RANBP17: variants seen among roughly 807,000 people sequenced by gnomAD.
RANBP17 encodes the protein RAN binding protein 17, also known as ran-binding protein 17.
In RANBP17, 158 loss-of-function variants were observed where a neutral mutation model predicts 141.2. The observed-to-expected ratio is 1.12, with a 90% confidence interval of 0.98 to 1.28. The LOEUF (loss-of-function observed/expected upper bound fraction) is 1.28, where lower values mean the gene tolerates loss of function less well. Among genes scored for constraint, RANBP17 ranks in the 50% most tolerant of loss-of-function variants. RANBP17 has a pLI of 0.00. For missense variants in RANBP17, 1,438 were observed against 1,290.7 expected, an observed-to-expected ratio of 1.11 and a Z score of -1.75; for synonymous variants, 430 against 450.0, an observed-to-expected ratio of 0.96 and a Z score of 0.56.
chr5:171,095,912 C>A (rs980800396), intron 14 of RANBP17, among the ~76,000 whole-genome samples: 1 of 151,906 alleles, frequency 6.6e-6, no homozygotes, highest in East Asian at 1.9e-4. Context: ...ACTATGTATG[C>A]CCTTAAAATA....
chr5:171,200,862 A>G (rs572332764), intron 19 of RANBP17, among the ~76,000 whole-genome samples: 1 of 152,306 alleles, frequency 6.6e-6, no homozygotes, highest in South Asian at 2.1e-4. Flanking sequence ...ATAGTTATAG[A>G]ATTTTAAAAC....
intron 14 of RANBP17, among the ~76,000 whole-genome samples, chr5:171,000,764 G>A (rs1202064243): frequency 6.6e-6 from 1 of 152,140 alleles, no homozygotes; most frequent in Non-Finnish European, 1.5e-5. Flanking sequence ...CGGGCAGGGG[G>A]TGGATCTCAC....
At chr5:170,999,773 C>T (rs1027628584) in intron 14 of RANBP17, among the ~76,000 whole-genome samples, 1 of 152,070 alleles carries the variant, frequency 6.6e-6, no homozygotes, top group African/African-American at 2.4e-5. Context: ...ACTATCTTAA[C>T]CATTTTAAAG....
intron 14 of RANBP17, among the ~76,000 whole-genome samples, chr5:171,137,582 GTGTGTGTGTGTGTGTGTGTGTGTC>G (rs1263761004): frequency 1.9e-3 from 273 of 144,032 alleles, no homozygotes; most frequent in African/African-American, 6.6e-3. Context: ...ATGTGTGTGT[GTGTGTGTGTGTGTGTGTGTGTGTC>G]TGTGTGTGTG....
At chr5:170,983,205 A>G (rs1581312196) in intron 14 of RANBP17, 1 of 413,756 alleles carries the variant, frequency 2.4e-6, no homozygotes, top group Non-Finnish European at 4.5e-6. Context: ...GCTGTGCCTC[A>G]GGCCTTGAGA....
chr5:171,046,134 T>C (rs945932651), intron 14 of RANBP17, among the ~76,000 whole-genome samples: 4 of 152,132 alleles, frequency 2.6e-5, no homozygotes, highest in African/African-American at 7.2e-5. Flanking sequence ...TGGAAACTTA[T>C]TTTCTCCATC....
At position 170,965,425 on chromosome 5, in the gene RANBP17, G is replaced by T. The variant is rs557352525; in HGVS notation, c.1575-2817G>T. ...TAATTAGATCCCATTTGTCAATTTTGGCTTTTGTTGCCATTGCTTTTGGTG... is the reference window on the plus strand; with the variant it reads ...TAATTAGATCCCATTTGTCAATTTTTGCTTTTGTTGCCATTGCTTTTGGTG... On this transcript the variant is annotated intron_variant, in intron 13 of 27. Coordinates refer to ENST00000523189, the MANE Select transcript of RANBP17 (RefSeq NM_022897.5). Among the ~76,000 whole-genome samples, 202 of 152,104 alleles carry T rather than the reference G, an allele frequency of 1.3e-3. 4 individuals carry two copies. The South Asian group carries it at 0.031, about 23-fold the overall frequency.
intron 14 of RANBP17, among the ~76,000 whole-genome samples, chr5:171,070,537 T>G (rs999864983): frequency 2.0e-5 from 3 of 152,182 alleles, no homozygotes; most frequent in Admixed American, 6.5e-5. Flanking sequence ...CATAGACTAC[T>G]GACTTAGATA....
At chr5:171,119,526 TTTTGAATAA>T (rs1755871930) in intron 14 of RANBP17, among the ~76,000 whole-genome samples, 4 of 152,230 alleles carry the variant, frequency 2.6e-5, no homozygotes, top group Admixed American at 1.3e-4. Flanking sequence ...TTCAGTACTA[TTTTGAATAA>T]CAGTGGTGAA....
At chr5:171,237,337 C>G (rs1358280562) in intron 22 of RANBP17, among the ~76,000 whole-genome samples, 2 of 152,148 alleles carry the variant, frequency 1.3e-5, no homozygotes, top group Non-Finnish European at 2.9e-5. Context: ...TATCTGTGCT[C>G]ATTTCCTAGT....
intron 14 of RANBP17, among the ~76,000 whole-genome samples, chr5:171,056,765 T>C (rs1783405685): frequency 6.6e-6 from 1 of 151,964 alleles, no homozygotes; most frequent in South Asian, 2.1e-4. Flanking sequence ...ACACTTGATA[T>C]TGTAAAATCA....
intron 14 of RANBP17, among the ~76,000 whole-genome samples, chr5:171,010,704 C>G (rs1279844541): frequency 6.6e-6 from 1 of 152,014 alleles, no homozygotes; most frequent in East Asian, 1.9e-4. Flanking sequence ...AAACCAGTAT[C>G]AGGAATGAAA....
At position 171,251,651 on chromosome 5, in the gene RANBP17, G is replaced by A. The variant is rs138587070; in HGVS notation, c.2776+8831G>A. On this transcript the variant is annotated intron_variant, in intron 24 of 27. Transcript: ENST00000523189. ...AAGAAGGAAGTTTATAGGCTTGAGC[G>A]CCGGTGGCGACGAAGGCAGTGGCGG... is the stretch of plus-strand genomic sequence containing the variant. Among the ~76,000 whole-genome samples the A allele has an allele frequency of 4.6e-3, 697 of 152,264 alleles. 5 individuals are homozygous for A. The highest frequency in any genetic ancestry group is 0.016 in the African/African-American group (664 of 41,544).
intron 14 of RANBP17, among the ~76,000 whole-genome samples, chr5:171,127,615 A>G (rs1756575287): frequency 6.6e-6 from 1 of 152,220 alleles, no homozygotes; most frequent in Non-Finnish European, 1.5e-5. Flanking sequence ...AATCTTCACT[A>G]TTACTAATCA....
At chr5:171,135,082 A>G (rs1340157358) in intron 14 of RANBP17, among the ~76,000 whole-genome samples, 2 of 151,932 alleles carry the variant, frequency 1.3e-5, no homozygotes. Flanking sequence ...CAGCCTGGCC[A>G]ACATGGTGAA....
chr5:171,202,262 A>G (rs985308878), intron 19 of RANBP17, among the ~76,000 whole-genome samples: 2 of 152,160 alleles, frequency 1.3e-5, no homozygotes, highest in African/African-American at 4.8e-5. Context: ...ACTCTGACAA[A>G]TCCTAGCTTT....
chr5:171,096,605 G>C (rs57211928), intron 14 of RANBP17, among the ~76,000 whole-genome samples: 1,745 of 152,246 alleles, frequency 0.011, 25 homozygotes, highest in African/African-American at 0.038. Flanking sequence ...AAGAGATACT[G>C]CCTACCAAAG....
chr5:171,213,497 A>T, intron 20 of RANBP17, 134 bp from the exon 21 acceptor site: 1 of 655,060 alleles, frequency 1.5e-6, no homozygotes, highest in Non-Finnish European at 2.7e-6. Flanking sequence ...ATTGTATAGT[A>T]TAGACATAGA....
chr5:170,929,399 T>C (rs1437995325), intron 12 of RANBP17, among the ~76,000 whole-genome samples: 2 of 152,190 alleles, frequency 1.3e-5, no homozygotes, highest in Non-Finnish European at 2.9e-5. Context: ...GAGGAAGTTC[T>C]CTTCAATTCT....
Sources: allele counts gnomAD v4.1 joint callset (sites outside exome capture counted in the v4.1 genomes callset), GRCh38; gene constraint gnomAD v4.1.1; transcripts MANE v1.5; gene names NCBI Gene and HGNC (gene_info 2026-07-23, HGNC 2026-07-21).